Variants in CACNA1C observed in about 807,000 individuals in gnomAD.
CACNA1C encodes the protein calcium voltage-gated channel subunit alpha1 C, also known as voltage-dependent L-type calcium channel subunit alpha-1C.
In CACNA1C, 30 loss-of-function variants were observed where a neutral mutation model predicts 229.0. The ratio of observed to expected loss-of-function variants is 0.13; its 90% CI spans 0.10 to 0.18. CACNA1C has a LOEUF of 0.18. Ranked by LOEUF, CACNA1C falls within the 10% of genes least tolerant of loss-of-function variation. The pLI, the probability that CACNA1C is intolerant of heterozygous loss-of-function variation, is 1.00. For missense variants in CACNA1C, 1,658 were observed against 2,845.0 expected, an observed-to-expected ratio of 0.58 and a Z score of 9.49; for synonymous variants, 1,114 against 1,132.5, an observed-to-expected ratio of 0.98 and a Z score of 0.33.
rs571000145 is a variant in CACNA1C, at chr12:2,308,332, A to G, written c.478-140644A>G. Among the ~76,000 whole-genome samples the G allele has an allele frequency of 2.0e-5, 3 of 152,276 alleles. No individual in the cohort carries two copies. The East Asian group carries it at 5.8e-4, about 29-fold the overall frequency. ...CCCCTTATCAGATATATGGCTTGCA[A>G]ATATTTTCTTACATTTAAATCTTTA... On this transcript the variant is annotated intron_variant, in intron 3 of 46. Coordinates refer to ENST00000399655, the MANE Select transcript of CACNA1C (RefSeq NM_000719.7).
chr12:2,682,954 A>G (rs1300197089), intron 43 of CACNA1C, among the ~76,000 whole-genome samples: 1 of 5,590 alleles, frequency 1.8e-4, no homozygotes, highest in Non-Finnish European at 4.6e-4. Context: ...TCGCCAGGAA[A>G]ATTTCTGAAC....
In CACNA1C at chr12:2,233,272, T is replaced by C. The variant is rs140996384; in HGVS notation, c.477+112842T>C. Among the ~76,000 whole-genome samples, 662 of 152,356 alleles carry C rather than the reference T, an allele frequency of 4.3e-3. 3 individuals are homozygous for C. The highest frequency in any genetic ancestry group is 0.015 in the African/African-American group (621 of 41,574). The stretch of plus-strand genomic sequence containing the variant: ...TGTCACCGTGTCCATGTGACTCATC[T>C]GGGGGTAATTTCAAATTCTATTGAA... On this transcript the variant is annotated intron_variant, in intron 3 of 46. Coordinates refer to ENST00000399655, the MANE Select transcript of CACNA1C (RefSeq NM_000719.7).
intron 3 of CACNA1C, among the ~76,000 whole-genome samples, chr12:2,273,919 C>T (rs2086425588): frequency 6.6e-6 from 1 of 152,194 alleles, no homozygotes; most frequent in Admixed American, 6.5e-5. Context: ...TGATGAGCAC[C>T]TGATGGGTGG....
chr12:2,167,046 C>T (rs2096269331), intron 3 of CACNA1C, among the ~76,000 whole-genome samples: 1 of 152,232 alleles, frequency 6.6e-6, no homozygotes, highest in Admixed American at 6.5e-5. Context: ...GTCTCAGTTT[C>T]TTCATTCTTT....
intron 9 of CACNA1C, chr12:2,547,529 T>C: frequency 1.3e-6 from 1 of 779,696 alleles, no homozygotes; most frequent in South Asian, 1.3e-5. Context: ...CCCATGGTAA[T>C]GTTCCCCTGT....
chr12:2,556,807 A>G (rs970330141), intron 10 of CACNA1C, 144 bp from the exon 11 acceptor site: 2 of 730,968 alleles, frequency 2.7e-6, no homozygotes, highest in African/African-American at 3.5e-5. Context: ...TTTCTCTCCC[A>G]AGATGTTCTA....
chr12:2,392,549 G>A (rs2098503048), intron 3 of CACNA1C, among the ~76,000 whole-genome samples: 1 of 152,256 alleles, frequency 6.6e-6, no homozygotes, highest in Admixed American at 6.5e-5. Context: ...TTGTGTCTGG[G>A]CCCAAGCTCA....
chr12:2,338,235 A>G (rs935368197), intron 3 of CACNA1C, among the ~76,000 whole-genome samples: 5 of 152,176 alleles, frequency 3.3e-5, no homozygotes, highest in African/African-American at 1.2e-4. Flanking sequence ...CAAGGGGCTA[A>G]TTAGCAGCAA....
chr12:2,565,473 CAGAA>C lies in CACNA1C; in HGVS notation c.1509-947_1509-944del, dbSNP rs2050282966. Among the ~76,000 whole-genome samples, 21 of 33,470 alleles carry C rather than the reference CAGAA, an allele frequency of 6.3e-4. No individual in the cohort carries two copies. In the Admixed American group the frequency reaches 6.4e-3, roughly 10 times the overall value. 22.0% of individuals were successfully genotyped at this position (33,470 alleles called of 152,430 possible). On this transcript the variant is annotated intron_variant, in intron 11 of 46. Coordinates refer to ENST00000399655, the MANE Select transcript of CACNA1C (RefSeq NM_000719.7). Reference sequence around the variant, plus strand: ...TGGGCGACAGAGCGAGACTCCGTCTCAGAAAAAAAAAAAAAAAAAAAAATACCCA... The same window carrying C: ...TGGGCGACAGAGCGAGACTCCGTCTCAAAAAAAAAAAAAAAAAAATACCCA...
intron 3 of CACNA1C, among the ~76,000 whole-genome samples, chr12:2,137,252 C>T (rs567049413): frequency 6.6e-6 from 1 of 151,446 alleles, no homozygotes; most frequent in East Asian, 1.9e-4. Flanking sequence ...TCCAGTTCTA[C>T]CTCTGCCTGG....
At chr12:2,664,668 C>A (rs1471079032) in intron 34 of CACNA1C, among the ~76,000 whole-genome samples, 157 bp from the exon 35 acceptor site, 6 of 152,172 alleles carry the variant, frequency 3.9e-5, no homozygotes, top group African/African-American at 1.4e-4. Flanking sequence ...TCATATTTAG[C>A]AAATATATCA....
At chr12:2,546,379 CTG>C (rs1158420476) in intron 9 of CACNA1C, among the ~76,000 whole-genome samples, 11 of 151,940 alleles carry the variant, frequency 7.2e-5, no homozygotes, top group Admixed American at 1.3e-4. Flanking sequence ...TCACACTCTC[CTG>C]TGCAGTTGCT....
chr12:2,634,213 A>G, intron 29 of CACNA1C, 84 bp from the exon 30 acceptor site: 1 of 199,672 alleles, frequency 5.0e-6, no homozygotes, highest in Non-Finnish European at 8.1e-6. Context: ...TTTTTTTTTC[A>G]TTTTTCCTCT....
intron 1 of CACNA1C, among the ~76,000 whole-genome samples, chr12:2,091,388 T>G (rs536295160): frequency 5.5e-4 from 84 of 152,358 alleles, no homozygotes; most frequent in African/African-American, 1.9e-3. Context: ...TTTTATTATC[T>G]TATATTTTTG....
chr12:2,566,402 T>C lies in CACNA1C; in HGVS notation c.1509-20T>C. On this transcript the variant is annotated intron_variant, in intron 11 of 46. Coordinates refer to ENST00000399655, the MANE Select transcript of CACNA1C (RefSeq NM_000719.7). The surrounding 1 kb of genome is among the most constrained non-coding windows in gnomAD (Gnocchi z 4.0). ...GAATTCACAGCCAACCCCACCCTTC[T>C]CTCCCTGTCCCCTTTCCAGCCGCTA... 1.3e-6 allele frequency: 2 copies of C among 1,569,438 alleles called. No individual in the cohort carries two copies. Among genetic ancestry groups the C allele is most frequent in the Non-Finnish European group, 1.7e-6 (2 of 1,156,434 alleles).
chr12:2,256,862 C>A (rs934657270), intron 3 of CACNA1C, among the ~76,000 whole-genome samples: 1 of 152,186 alleles, frequency 6.6e-6, no homozygotes, highest in African/African-American at 2.4e-5. Context: ...GGTTTGGAAA[C>A]CAGCATGCTA....
intron 3 of CACNA1C, among the ~76,000 whole-genome samples, chr12:2,171,339 G>A (rs539707107): frequency 1.6e-4 from 25 of 152,220 alleles, no homozygotes; most frequent in African/African-American, 2.9e-4. Flanking sequence ...TCACAGATAG[G>A]AGGCTGGAGA....
Position 2,374,328 on chromosome 12 carries a change from C to T in CACNA1C, c.478-74648C>T, listed in dbSNP as rs546496781. On this transcript the variant is annotated intron_variant, in intron 3 of 46. Coordinates refer to ENST00000399655, the MANE Select transcript of CACNA1C (RefSeq NM_000719.7). ...TCTATGTGGTTTTTTATTGTGGTGGCAATTGTTTTTGCCATTTTCTGCTTT... is the reference window on the plus strand; with the variant it reads ...TCTATGTGGTTTTTTATTGTGGTGGTAATTGTTTTTGCCATTTTCTGCTTT... 3.9e-5 allele frequency among the ~76,000 whole-genome samples: 6 copies of T among 152,310 alleles called. No homozygotes were observed. In the East Asian group the frequency reaches 1.2e-3, roughly 29 times the overall value.
At position 2,120,230 on chromosome 12, in the gene CACNA1C, C is replaced by T. The variant is rs575136229; in HGVS notation, c.372-95C>T. On this transcript the variant is annotated intron_variant, in intron 2 of 46. Transcript: ENST00000399655. ...TGGAATGCATTGTTTAAACAAAATT[C>T]TTATGAATCTTTGATTCATTTTAAA... The T allele has an allele frequency of 1.5e-5, 12 of 777,558 alleles. No homozygotes were observed. In the South Asian group the frequency reaches 1.7e-4, roughly 11 times the overall value. 48.2% of individuals were successfully genotyped at this position (777,558 alleles called of 1,614,324 possible).
Sources: allele counts gnomAD v4.1 joint callset (sites outside exome capture counted in the v4.1 genomes callset), GRCh38; gene constraint gnomAD v4.1.1; non-coding constraint Gnocchi (gnomAD v3.1); transcripts MANE v1.5; gene names NCBI Gene and HGNC (gene_info 2026-07-23, HGNC 2026-07-21).